Variants in MYO1E observed in about 807,000 individuals in gnomAD.
MYO1E encodes myosin IE.
Under a neutral mutation model 151.1 loss-of-function variants are expected in MYO1E, and 68 were observed. That is an observed-to-expected ratio of 0.45 (90% CI 0.37 to 0.55). The LOEUF (loss-of-function observed/expected upper bound fraction) is 0.55, where lower values mean the gene tolerates loss of function less well. Ranked by LOEUF, MYO1E falls within the 20% of genes least tolerant of loss-of-function variation. The probability of loss-of-function intolerance (pLI) is 0.00; values close to 1 mark genes in which losing one functional copy is unlikely to be tolerated. For synonymous variants in MYO1E, 601 were observed against 501.7 expected (o/e 1.20, Z -2.64); for missense variants, 1,363 against 1,389.3 (o/e 0.98, Z 0.30).
chr15:59,224,541 A>T (rs2079976752), intron 8 of MYO1E, 148 bp downstream of exon 8: 15 of 1,076,532 alleles, frequency 1.4e-5, no homozygotes, highest in African/African-American at 3.1e-5. Context: ...AAGGATACTG[A>T]AACATGTATG....
At chr15:59,201,107 C>A (rs1477004939) in intron 16 of MYO1E, among the ~76,000 whole-genome samples, 1 of 135,946 alleles carries the variant, frequency 7.4e-6, no homozygotes, top group Admixed American at 7.9e-5. Flanking sequence ...ATGACAAAAA[C>A]TATTTTTTTT....
At chr15:59,144,585 G>A (rs886642494) in intron 26 of MYO1E, among the ~76,000 whole-genome samples, 1 of 151,998 alleles carries the variant, frequency 6.6e-6, no homozygotes, top group Non-Finnish European at 1.5e-5. Flanking sequence ...GTAAGCCACC[G>A]CACCGGGTTC....
At chr15:59,296,185 C>A (rs1232646728) in intron 1 of MYO1E, among the ~76,000 whole-genome samples, 2 of 152,120 alleles carry the variant, frequency 1.3e-5, no homozygotes, top group African/African-American at 4.8e-5. Context: ...GATAAAGGAC[C>A]CTGCTCTATG....
intron 9 of MYO1E, among the ~76,000 whole-genome samples, chr15:59,218,662 C>T (rs1413703660): frequency 2.0e-5 from 3 of 151,992 alleles, no homozygotes; most frequent in East Asian, 3.9e-4. Context: ...CTAGATGAGG[C>T]AAAAATAGTT....
intron 10 of MYO1E, among the ~76,000 whole-genome samples, chr15:59,215,692 A>C (rs1248030293): frequency 6.6e-6 from 1 of 152,218 alleles, no homozygotes; most frequent in Non-Finnish European, 1.5e-5. Flanking sequence ...GTAATCATAC[A>C]CAACACACAG....
intron 1 of MYO1E, among the ~76,000 whole-genome samples, chr15:59,324,348 G>A (rs569778179): frequency 2.1e-3 from 318 of 152,252 alleles, no homozygotes; most frequent in African/African-American, 5.2e-3. Flanking sequence ...TGACACTATC[G>A]GAAAGGGGGC....
At chr15:59,175,022 G>A (rs1445370762) in intron 19 of MYO1E, among the ~76,000 whole-genome samples, 1 of 152,044 alleles carries the variant, frequency 6.6e-6, no homozygotes, top group Non-Finnish European at 1.5e-5. Flanking sequence ...CCCACTATGG[G>A]GCAGAAGTCA....
chr15:59,158,689 A>T (rs2079521708), intron 24 of MYO1E, among the ~76,000 whole-genome samples: 3 of 152,234 alleles, frequency 2.0e-5, no homozygotes, highest in Admixed American at 6.5e-5. Context: ...AGACAGATGG[A>T]ACATTTAAAC....
intron 1 of MYO1E, among the ~76,000 whole-genome samples, chr15:59,318,265 A>G (rs1239690619): frequency 1.3e-5 from 2 of 152,198 alleles, no homozygotes; most frequent in Non-Finnish European, 2.9e-5. Context: ...AGAGGCAGAC[A>G]TGGAGGTCCC....
intron 9 of MYO1E, among the ~76,000 whole-genome samples, chr15:59,222,533 C>G (rs995257303): frequency 3.3e-5 from 5 of 152,146 alleles, no homozygotes; most frequent in Non-Finnish European, 7.3e-5. Flanking sequence ...AATGTCAACA[C>G]AACAGTCAAT....
At chr15:59,144,709 G>A (rs1385933884) in intron 26 of MYO1E, among the ~76,000 whole-genome samples, 1 of 152,206 alleles carries the variant, frequency 6.6e-6, no homozygotes, top group Non-Finnish European at 1.5e-5. Flanking sequence ...CACCAGACTG[G>A]AGACCTGGAA....
intron 6 of MYO1E, 87 bp downstream of exon 6, chr15:59,231,615 C>T (rs1221841564): frequency 1.5e-6 from 2 of 1,375,108 alleles, no homozygotes; most frequent in Admixed American, 1.7e-5. Context: ...GTGAAAGGCT[C>T]CCATTTCCTG....
chr15:59,366,990 A>G (rs2080917598), intron 1 of MYO1E, among the ~76,000 whole-genome samples: 1 of 96,282 alleles, frequency 1.0e-5, no homozygotes, highest in African/African-American at 4.1e-5. Context: ...AAGTTGCTGC[A>G]TTTTCGCAAA....
intron 4 of MYO1E, 68 bp downstream of exon 4, chr15:59,256,216 G>T (rs1295472963): frequency 3.9e-6 from 5 of 1,283,600 alleles, no homozygotes; most frequent in South Asian, 3.6e-5. Context: ...ACTGCTTATC[G>T]ACCGAAATCC....
intron 1 of MYO1E, among the ~76,000 whole-genome samples, chr15:59,345,699 G>A (rs1246438156): frequency 6.6e-6 from 1 of 152,176 alleles, no homozygotes; most frequent in Admixed American, 6.5e-5. Context: ...GTTAACAGCT[G>A]GCATGCCCTG....
intron 1 of MYO1E, among the ~76,000 whole-genome samples, chr15:59,318,413 G>C (rs1039475116): frequency 2.6e-5 from 4 of 152,182 alleles, no homozygotes; most frequent in Non-Finnish European, 5.9e-5. Flanking sequence ...GGAAATGCTA[G>C]ACACAACAAA....
At chr15:59,225,650 C>CT (rs113019199) in intron 7 of MYO1E, among the ~76,000 whole-genome samples, 97,376 of 139,116 alleles carry the variant, frequency 0.7, 36,021 homozygotes, top group Non-Finnish European at 0.85. Flanking sequence ...CTTTTCTTTT[C>CT]TTTTTTTTTT....
intron 26 of MYO1E, among the ~76,000 whole-genome samples, chr15:59,151,442 A>C (rs546700804): frequency 9.6e-4 from 142 of 147,706 alleles, no homozygotes; most frequent in Middle Eastern, 3.5e-3. Flanking sequence ...CAAACAAAAA[A>C]CCCCCCCCAA....
In MYO1E at chr15:59,215,415, T is replaced by C. The variant is rs560215677; in HGVS notation, c.1108-695A>G. On this transcript the variant is annotated intron_variant, in intron 10 of 27. Coordinates refer to ENST00000288235, the MANE Select transcript of MYO1E (RefSeq NM_004998.4). Reference sequence around the variant, plus strand: ...CCAAGGCTTGCTTAAGGTTGTTCTATGTAAGAAGCAGGGTCTGGGACTAAA... The same window carrying C: ...CCAAGGCTTGCTTAAGGTTGTTCTACGTAAGAAGCAGGGTCTGGGACTAAA... Among the ~76,000 whole-genome samples the C allele has an allele frequency of 1.3e-3, 199 of 152,324 alleles. 1 individual carries two copies. The highest frequency in any genetic ancestry group is 4.3e-3 in the African/African-American group (177 of 41,568).
Sources: allele counts gnomAD v4.1 joint callset (sites outside exome capture counted in the v4.1 genomes callset), GRCh38; gene constraint gnomAD v4.1.1; transcripts MANE v1.5; gene names NCBI Gene and HGNC (gene_info 2026-07-23, HGNC 2026-07-21).